Variants in SLC22A8 observed in about 807,000 individuals in gnomAD.
The protein encoded by SLC22A8 is organic anion transporter 3.
A neutral mutation model predicts 48.4 loss-of-function variants in SLC22A8; 40 were observed. That is an observed-to-expected ratio of 0.83 (90% CI 0.64 to 1.08). The LOEUF is 1.08. Among genes scored for constraint, SLC22A8 ranks in the 50% least tolerant of loss-of-function variants. The probability of loss-of-function intolerance (pLI) is 0.00; values close to 1 mark genes in which losing one functional copy is unlikely to be tolerated. For missense variants in SLC22A8, 606 were observed against 699.0 expected, an observed-to-expected ratio of 0.87 and a Z score of 1.50; for synonymous variants, 268 against 286.3, an observed-to-expected ratio of 0.94 and a Z score of 0.65.
At chr11:63,013,297 G>A (rs944438778) in intron 2 of SLC22A8, among the ~76,000 whole-genome samples, 1 of 152,160 alleles carries the variant, frequency 6.6e-6, no homozygotes, top group Non-Finnish European at 1.5e-5. Context: ...ACATGGGAAG[G>A]TCATGGAATC....
At chr11:62,994,950 C>T (rs953894) in intron 7 of SLC22A8, 194 bp from the exon 8 acceptor site, 144,839 of 620,388 alleles carry the variant, frequency 0.23, 18,333 homozygotes, top group African/African-American at 0.38. Context: ...CTGTGATTGA[C>T]TGGTCATGTC....
intron 2 of SLC22A8, among the ~76,000 whole-genome samples, chr11:63,007,389 G>A (rs1487541833): frequency 6.6e-6 from 1 of 151,954 alleles, no homozygotes; most frequent in Non-Finnish European, 1.5e-5. Flanking sequence ...ACAGTGGTGC[G>A]ATCTCGGCTC....
chr11:63,001,971 C>T (rs1474681271), intron 2 of SLC22A8, among the ~76,000 whole-genome samples: 1 of 152,016 alleles, frequency 6.6e-6, no homozygotes, highest in African/African-American at 2.4e-5. Flanking sequence ...GTCACCCAGG[C>T]TGACTACAGT....
At chr11:62,994,137 A>G in intron 8 of SLC22A8, 1 of 556,820 alleles carries the variant, frequency 1.8e-6, no homozygotes, top group Non-Finnish European at 3.2e-6. Flanking sequence ...TTGGAAGGGT[A>G]TAGGTGTTAT....
intron 2 of SLC22A8, among the ~76,000 whole-genome samples, chr11:63,006,129 CTT>C (rs71468622): frequency 0.15 from 22,189 of 152,110 alleles, 2,103 homozygotes; most frequent in Admixed American, 0.3. Context: ...TTTAAGAAAA[CTT>C]AGGCTAGATG....
intron 5 of SLC22A8, among the ~76,000 whole-genome samples, chr11:62,997,845 G>A (rs1405798705): frequency 6.6e-6 from 1 of 152,216 alleles, no homozygotes; most frequent in East Asian, 1.9e-4. Context: ...GACGACGTAG[G>A]TTGATGCCCA....
intron 4 of SLC22A8, 141 bp downstream of exon 4, chr11:62,999,547 G>T: frequency 1.7e-6 from 1 of 593,180 alleles, no homozygotes; most frequent in Non-Finnish European, 2.9e-6. Context: ...ATTTAAGTGA[G>T]GCCTCTGAGG....
At chr11:62,995,641 C>T in intron 7 of SLC22A8, 63 bp downstream of exon 7, 1 of 1,188,920 alleles carries the variant, frequency 8.4e-7, no homozygotes, top group Non-Finnish European at 1.3e-6. Context: ...TTAAGTGAGC[C>T]TACTGGAGGC....
At position 62,998,927 on chromosome 11, in the gene SLC22A8, G is replaced by A. The variant is rs746652017; in HGVS notation, c.755C>T (p.Ser252Leu). The A allele has an allele frequency of 1.9e-6, 3 of 1,607,354 alleles. No individual in the cohort carries two copies. Among genetic ancestry groups the A allele is most frequent in the Non-Finnish European group, 2.6e-6 (3 of 1,174,572 alleles). Residue 252 changes from serine to leucine, a missense_variant, in exon 5 of 11, where the codon TCA (serine) becomes TTA (leucine). Ser to Leu is a moderately radical substitution (Grantham distance 145). Transcript: ENST00000336232. ...VSIPFFVFFLSSWWTPESIRW... is the reference protein window; with the variant it reads ...VSIPFFVFFLLSWWTPESIRW... ...AGAGGAGAGGGCCACATACCAGGAT[G>A]ATAGGAAGAAGACGAAGAAGGGAAT... is the stretch of plus-strand genomic sequence containing the variant.
At chr11:62,995,896 G>T (rs763857497) in intron 6 of SLC22A8, 77 bp from the exon 7 acceptor site, 1 of 1,497,952 alleles carries the variant, frequency 6.7e-7, no homozygotes, top group Non-Finnish European at 9.3e-7. Context: ...ATGCAGGCGT[G>T]GTGCCTCTAG....
chr11:63,009,255 C>T (rs1295560171), intron 2 of SLC22A8, among the ~76,000 whole-genome samples: 1 of 152,070 alleles, frequency 6.6e-6, no homozygotes, highest in Non-Finnish European at 1.5e-5. Flanking sequence ...GGCGGCTGAC[C>T]AGAGACCCGG....
At chr11:62,997,158 G>T (rs532262763) in intron 5 of SLC22A8, among the ~76,000 whole-genome samples, 1 of 152,196 alleles carries the variant, frequency 6.6e-6, no homozygotes, top group African/African-American at 2.4e-5. Flanking sequence ...GCCTTCCTGT[G>T]TACCAGGCCC....
At chr11:63,011,057 A>G (rs551442689) in intron 2 of SLC22A8, among the ~76,000 whole-genome samples, 6 of 152,308 alleles carry the variant, frequency 3.9e-5, no homozygotes, top group Middle Eastern at 3.4e-3. Flanking sequence ...TCTGCCCTGG[A>G]GAAGCTACTA....
At chr11:63,007,580 G>T (rs1297387176) in intron 2 of SLC22A8, among the ~76,000 whole-genome samples, 1 of 152,144 alleles carries the variant, frequency 6.6e-6, no homozygotes, top group East Asian at 1.9e-4. Context: ...ACCTGCCTCA[G>T]CCTCCCAAAA....
chr11:62,998,792 G>T, intron 5 of SLC22A8, 129 bp downstream of exon 5: 1 of 720,278 alleles, frequency 1.4e-6, no homozygotes, highest in Non-Finnish European at 2.4e-6. Context: ...CTCCTCCCTG[G>T]AGTGCCCTTC....
At chr11:63,013,166 C>G (rs2086637942) in intron 2 of SLC22A8, among the ~76,000 whole-genome samples, 2 of 152,082 alleles carry the variant, frequency 1.3e-5, no homozygotes, top group African/African-American at 4.8e-5. Flanking sequence ...TAGAACAATG[C>G]CTACCACATA....
intron 3 of SLC22A8, 74 bp downstream of exon 3, chr11:63,000,646 G>T: frequency 1.8e-6 from 2 of 1,099,142 alleles, no homozygotes; most frequent in East Asian, 2.4e-5. Context: ...CTTTGCGGGT[G>T]CACGGGTGGA....
intron 2 of SLC22A8, among the ~76,000 whole-genome samples, chr11:63,003,652 T>C (rs924839017): frequency 3.3e-5 from 5 of 152,240 alleles, no homozygotes; most frequent in Admixed American, 2.6e-4. Flanking sequence ...ATAGCACATT[T>C]CCCTGATGAC....
chr11:63,006,944 T>A (rs547351281), intron 2 of SLC22A8, among the ~76,000 whole-genome samples: 1 of 152,288 alleles, frequency 6.6e-6, no homozygotes, highest in East Asian at 1.9e-4. Context: ...GAATAGTTGC[T>A]ACATAGTATA....
Sources: gnomAD v4.1 joint callset for allele counts (sites outside exome capture counted in the v4.1 genomes callset) on GRCh38, gnomAD v4.1.1 for gene constraint, MANE v1.5 for transcripts, NCBI Gene and HGNC (gene_info 2026-07-23, HGNC 2026-07-21) for gene names.